ADAM17: variants seen among roughly 807,000 people sequenced by gnomAD.
The protein encoded by ADAM17 is ADAM metallopeptidase domain 17, also known as disintegrin and metalloproteinase domain-containing protein 17.
Under a neutral mutation model 96.7 loss-of-function variants are expected in ADAM17, and 39 were observed. That is an observed-to-expected ratio of 0.40 (90% CI 0.31 to 0.53). ADAM17 has a LOEUF of 0.53. ADAM17 is among the 20% of genes least tolerant of loss of function. The probability of loss-of-function intolerance (pLI) is 0.44; values close to 1 mark genes in which losing one functional copy is unlikely to be tolerated. For missense variants in ADAM17, 777 were observed against 1,013.2 expected (o/e 0.77, Z 3.17); for synonymous variants, 344 against 359.2 (o/e 0.96, Z 0.48).
At chr2:9,533,086 G>A (rs1003370389) in intron 4 of ADAM17, among the ~76,000 whole-genome samples, 3 of 151,952 alleles carry the variant, frequency 2.0e-5, no homozygotes, top group Non-Finnish European at 4.4e-5. Context: ...CTACTCAAGG[G>A]ACTGAGGCAG....
intron 1 of ADAM17, among the ~76,000 whole-genome samples, chr2:9,548,378 G>T (rs983855847): frequency 6.6e-6 from 1 of 151,964 alleles, no homozygotes; most frequent in Non-Finnish European, 1.5e-5. Flanking sequence ...GTGGAGAATG[G>T]GCTAGAGGGG....
chr2:9,546,306 T>C (rs1000794076), intron 1 of ADAM17, among the ~76,000 whole-genome samples: 8 of 152,196 alleles, frequency 5.3e-5, no homozygotes, highest in Non-Finnish European at 1.2e-4. Flanking sequence ...CACTTTAAAA[T>C]ACTTAACTAA....
At chr2:9,501,843 A>G (rs528789399) in intron 13 of ADAM17, among the ~76,000 whole-genome samples, 1 of 152,164 alleles carries the variant, frequency 6.6e-6, no homozygotes, top group East Asian at 1.9e-4. Context: ...TTAAGGTAGA[A>G]TATCATTTTG....
At chr2:9,554,129 G>T (rs1330682204) in intron 1 of ADAM17, among the ~76,000 whole-genome samples, 1 of 152,122 alleles carries the variant, frequency 6.6e-6, no homozygotes, top group African/African-American at 2.4e-5. Flanking sequence ...AGAAAGTAAT[G>T]TTTCTCTTTA....
chr2:9,513,652 G>A (rs1202154020), intron 10 of ADAM17, among the ~76,000 whole-genome samples: 1 of 152,112 alleles, frequency 6.6e-6, no homozygotes, highest in Admixed American at 6.5e-5. Flanking sequence ...GATGATGATG[G>A]TTGTGATGTG....
chr2:9,550,373 A>G (rs565763937), intron 1 of ADAM17, among the ~76,000 whole-genome samples: 18 of 151,406 alleles, frequency 1.2e-4, no homozygotes, highest in African/African-American at 3.6e-4. Context: ...TTAGGCAATG[A>G]GACTACTTCC....
At chr2:9,492,449 A>C (rs568120960) in intron 17 of ADAM17, among the ~76,000 whole-genome samples, 1 of 152,362 alleles carries the variant, frequency 6.6e-6, no homozygotes, top group Admixed American at 6.5e-5. Context: ...GCTGGGCCCC[A>C]GTCCCTACAT....
At chr2:9,519,590 C>G (rs1409427249) in intron 8 of ADAM17, among the ~76,000 whole-genome samples, 2 of 152,130 alleles carry the variant, frequency 1.3e-5, no homozygotes, top group Non-Finnish European at 2.9e-5. Flanking sequence ...TCCTAACCCT[C>G]AACAGTACCC....
chr2:9,508,735 C>T (rs572824529), intron 11 of ADAM17, among the ~76,000 whole-genome samples: 7 of 152,246 alleles, frequency 4.6e-5, no homozygotes, highest in East Asian at 1.9e-4. Context: ...AAACATCCCC[C>T]GCCCCGCAGC....
rs1375222660 is a variant in ADAM17 at position 9,492,969 on chromosome 2, TGTC to T, written c.2008_2010del (p.Asp670del). 1 of 1,611,432 alleles carries T rather than the reference TGTC, an allele frequency of 6.2e-7. No individual in the cohort carries two copies. ...AAAACCAGGACAGACCCAACGATGT[TGTC>T]TGCTAAAAACTTTCCTGTGAACAAT... On this transcript the variant is annotated inframe_deletion, in exon 17 of 19. Coordinates refer to ENST00000310823, the MANE Select transcript of ADAM17 (RefSeq NM_003183.6).
chr2:9,500,286 G>A (rs1043100853), intron 13 of ADAM17, among the ~76,000 whole-genome samples: 21 of 152,166 alleles, frequency 1.4e-4, no homozygotes, highest in African/African-American at 5.1e-4. Context: ...AGTGAAAGAA[G>A]CCAGTCATAC....
intron 7 of ADAM17, chr2:9,522,112 A>C (rs1404928452): frequency 3.6e-6 from 1 of 278,590 alleles, no homozygotes; most frequent in Non-Finnish European, 6.6e-6. Context: ...GCAAAAAGAA[A>C]ATTTACAGGT....
At chr2:9,513,764 G>A (rs969947405) in intron 10 of ADAM17, among the ~76,000 whole-genome samples, 2 of 151,972 alleles carry the variant, frequency 1.3e-5, no homozygotes, top group African/African-American at 4.8e-5. Context: ...GGTGGCTCAC[G>A]CCTGTAATCC....
chr2:9,523,885 T>C (rs1423240176), intron 6 of ADAM17, among the ~76,000 whole-genome samples: 1 of 151,976 alleles, frequency 6.6e-6, no homozygotes, highest in East Asian at 1.9e-4. Flanking sequence ...TTTCTTTTTT[T>C]TTTTTCAAGA....
chr2:9,525,146 A>T (rs1300498800), intron 6 of ADAM17, among the ~76,000 whole-genome samples: 2 of 152,080 alleles, frequency 1.3e-5, no homozygotes. Context: ...AATTCACTTG[A>T]TATGGGGCCG....
At chr2:9,550,817 G>A (rs1185592208) in intron 1 of ADAM17, among the ~76,000 whole-genome samples, 1 of 150,854 alleles carries the variant, frequency 6.6e-6, no homozygotes, top group Non-Finnish European at 1.5e-5. Flanking sequence ...CAGCACTTTG[G>A]GAGGCTGAGG....
chr2:9,490,352 C>T lies in ADAM17; in HGVS notation c.2300G>A (p.Ser767Asn), dbSNP rs751381392. 3.3e-5 allele frequency: 53 copies of T among 1,614,020 alleles called. No individual in the cohort carries two copies. The highest frequency in any genetic ancestry group is 4.3e-5 in the Non-Finnish European group (51 of 1,180,048). ...ATCCTCGTCCATATGTGAGTCTGTG[C>T]TGGGGTCTTCCTGGATGGTGTCCAT... is the stretch of plus-strand genomic sequence containing the variant. ...QRMDTIQEDP[S>N]TDSHMDEDGF... The change falls in exon 19 of 19, where the codon AGC (serine) becomes AAC (asparagine). Residue 767 changes from serine to asparagine, a missense_variant. Coordinates refer to ENST00000310823, the MANE Select transcript of ADAM17 (RefSeq NM_003183.6).
At chr2:9,510,209 C>T (rs1230506660) in intron 10 of ADAM17, 78 bp from the exon 11 acceptor site, 1 of 1,470,214 alleles carries the variant, frequency 6.8e-7, no homozygotes, top group African/African-American at 1.5e-5. Context: ...CCTATGCTGT[C>T]TTAAATAGAG....
At chr2:9,497,001 G>A (rs1662659445) in intron 14 of ADAM17, 113 bp downstream of exon 14, 6 of 1,476,950 alleles carry the variant, frequency 4.1e-6, no homozygotes, top group Admixed American at 2.1e-5. Context: ...CCTCATCCTC[G>A]GCTTGGATCT....
Sources: allele counts gnomAD v4.1 joint callset (sites outside exome capture counted in the v4.1 genomes callset), GRCh38; gene constraint gnomAD v4.1.1; transcripts MANE v1.5; gene names NCBI Gene and HGNC (gene_info 2026-07-23, HGNC 2026-07-21).